Variants in SOX5 observed in about 807,000 individuals in gnomAD.
SOX5 encodes SRY-box transcription factor 5.
Under a neutral mutation model 92.0 loss-of-function variants are expected in SOX5, and 9 were observed. That is an observed-to-expected ratio of 0.10 (90% confidence interval 0.06 to 0.17). SOX5 has a LOEUF of 0.17. Among genes scored for constraint, SOX5 ranks in the 10% least tolerant of loss-of-function variants. The pLI is 1.00. For missense variants in SOX5, 642 were observed against 944.5 expected (o/e 0.68, Z 4.20); for synonymous variants, 344 against 336.3 (o/e 1.02, Z -0.25).
chr12:24,203,010 G>A (rs192418939), intron 4 of SOX5, among the ~76,000 whole-genome samples: 50 of 152,080 alleles, frequency 3.3e-4, no homozygotes, highest in South Asian at 6.2e-4. Context: ...GATGATTCTT[G>A]CCTGAAACTA....
chr12:23,984,997 A>T (rs537311303), intron 4 of SOX5, among the ~76,000 whole-genome samples: 3 of 152,208 alleles, frequency 2.0e-5, no homozygotes, highest in Admixed American at 6.6e-5. Context: ...TAACTCTGGC[A>T]GCTTAGCGTT....
At chr12:23,581,255 TTC>T (rs1950006573) in intron 9 of SOX5, among the ~76,000 whole-genome samples, 1 of 152,038 alleles carries the variant, frequency 6.6e-6, no homozygotes, top group Non-Finnish European at 1.5e-5. Context: ...TTCTATTTGT[TTC>T]TGTTTCTCTA....
intron 1 of SOX5, among the ~76,000 whole-genome samples, chr12:24,391,825 T>C (rs1221221563): frequency 6.6e-6 from 1 of 152,190 alleles, no homozygotes; most frequent in East Asian, 1.9e-4. Context: ...AGGTAACATA[T>C]AGAAAATATA....
intron 2 of SOX5, among the ~76,000 whole-genome samples, chr12:24,360,749 G>A (rs1955457932): frequency 6.6e-6 from 1 of 152,154 alleles, no homozygotes; most frequent in Non-Finnish European, 1.5e-5. Flanking sequence ...GTATCCCTGG[G>A]TCGCAAGATC....
chr12:24,405,379 C>G (rs1175795382), intron 1 of SOX5, among the ~76,000 whole-genome samples: 1 of 152,086 alleles, frequency 6.6e-6, no homozygotes, highest in East Asian at 1.9e-4. Context: ...ATACTCTTCA[C>G]TCATGGCGTT....
chr12:23,776,693 T>C (rs1161996754), intron 3 of SOX5, among the ~76,000 whole-genome samples: 1 of 152,046 alleles, frequency 6.6e-6, no homozygotes, highest in East Asian at 1.9e-4. Context: ...TCATCAGGCA[T>C]TAGATTCTCA....
intron 1 of SOX5, among the ~76,000 whole-genome samples, chr12:24,484,276 C>G (rs1486505044): frequency 6.6e-6 from 1 of 152,124 alleles, no homozygotes; most frequent in African/African-American, 2.4e-5. Context: ...GCATAATTTT[C>G]TAAAGACTTT....
At chr12:23,830,687 C>A (rs1032366526) in intron 3 of SOX5, among the ~76,000 whole-genome samples, 3 of 152,104 alleles carry the variant, frequency 2.0e-5, no homozygotes, top group African/African-American at 7.2e-5. Flanking sequence ...GCCCCCTTTG[C>A]CCAATTAATG....
chr12:23,635,317 G>A (rs1419188391), intron 8 of SOX5, among the ~76,000 whole-genome samples: 1 of 152,172 alleles, frequency 6.6e-6, no homozygotes, highest in Non-Finnish European at 1.5e-5. Flanking sequence ...GAGAGTCATT[G>A]AAGGTCCTTG....
chr12:23,949,652 C>A lies in SOX5; in HGVS notation c.-51G>T, dbSNP rs1482012686. On this transcript the variant is annotated 5_prime_UTR_variant, in exon 1 of 15. Coordinates refer to ENST00000451604, the MANE Select transcript of SOX5 (RefSeq NM_006940.6). The stretch of plus-strand genomic sequence containing the variant: ...TCACAGCAGCCACCTATGATCGTCT[C>A]CAACTGAACCTGTCAAGTGAGTCCA... 17 of 1,613,690 alleles carry A rather than the reference C, an allele frequency of 1.1e-5. No homozygotes were observed. The highest frequency in any genetic ancestry group is 1.4e-5 in the Non-Finnish European group (17 of 1,179,766).
At chr12:23,864,192 C>T (rs1281672448) in intron 2 of SOX5, among the ~76,000 whole-genome samples, 1 of 152,038 alleles carries the variant, frequency 6.6e-6, no homozygotes, top group African/African-American at 2.4e-5. Context: ...ACTAACCGCA[C>T]CCATATAAGA....
chr12:24,415,585 G>A (rs1344898773), intron 1 of SOX5, among the ~76,000 whole-genome samples: 1 of 152,112 alleles, frequency 6.6e-6, no homozygotes, highest in Non-Finnish European at 1.5e-5. Context: ...AGTTAGGCTG[G>A]TAAACTTTGC....
intron 4 of SOX5, among the ~76,000 whole-genome samples, chr12:24,026,781 A>G (rs919903711): frequency 1.3e-5 from 2 of 152,008 alleles, no homozygotes; most frequent in Admixed American, 6.6e-5. Flanking sequence ...GAAGCCACTG[A>G]GGGAATTGTG....
At chr12:24,018,372 G>T (rs537742218) in intron 4 of SOX5, among the ~76,000 whole-genome samples, 1 of 152,056 alleles carries the variant, frequency 6.6e-6, no homozygotes, top group South Asian at 2.1e-4. Flanking sequence ...AATATTCAAC[G>T]TATCTGATGC....
At chr12:23,567,207 T>A (rs753487609) in intron 10 of SOX5, among the ~76,000 whole-genome samples, 1 of 152,194 alleles carries the variant, frequency 6.6e-6, no homozygotes, top group Non-Finnish European at 1.5e-5. Context: ...ATAATGGTTA[T>A]CTGATAGATA....
At chr12:23,784,198 T>C (rs1040599357) in intron 3 of SOX5, among the ~76,000 whole-genome samples, 1 of 152,192 alleles carries the variant, frequency 6.6e-6, no homozygotes, top group African/African-American at 2.4e-5. Context: ...AATCACTGAA[T>C]AGCTCTGGGC....
chr12:24,079,012 A>G (rs1435260417), intron 4 of SOX5, among the ~76,000 whole-genome samples: 2 of 151,770 alleles, frequency 1.3e-5, no homozygotes, highest in African/African-American at 2.4e-5. Context: ...AATTTTTTAC[A>G]CCTGATGATA....
chr12:24,547,872 AT>A, intron 1 of SOX5, among the ~76,000 whole-genome samples: 1 of 152,348 alleles, frequency 6.6e-6, no homozygotes, highest in African/African-American at 2.4e-5. Flanking sequence ...CAGTGTTCGT[AT>A]CCCCTGGCAG....
chr12:23,902,715 TTC>T (rs2138022368), intron 1 of SOX5, among the ~76,000 whole-genome samples: 1 of 152,226 alleles, frequency 6.6e-6, no homozygotes, highest in South Asian at 2.1e-4. Flanking sequence ...TCAAGTACAG[TTC>T]TGTTTTTGAC....
Sources: gnomAD v4.1 joint callset for allele counts (sites outside exome capture counted in the v4.1 genomes callset) on GRCh38, gnomAD v4.1.1 for gene constraint, MANE v1.5 for transcripts, NCBI Gene and HGNC (gene_info 2026-07-23, HGNC 2026-07-21) for gene names.